The following PAK3 variants were observed in gnomAD, a reference collection of about 807,000 sequenced individuals.
PAK3 encodes serine/threonine-protein kinase PAK 3.
PAK3 carries 4 observed loss-of-function variants against 41.0 expected under a neutral mutation model. The observed-to-expected ratio is 0.10, with a 90% CI of 0.05 to 0.22. The LOEUF (loss-of-function observed/expected upper bound fraction) is 0.22. Among genes scored for constraint, PAK3 ranks in the 10% least tolerant of loss-of-function variants. The pLI is 1.00. For missense variants in PAK3, 205 were observed against 409.9 expected, an observed-to-expected ratio of 0.50 and a Z score of 4.32; for synonymous variants, 146 against 139.6, an observed-to-expected ratio of 1.05 and a Z score of -0.32.
At position 110,973,302 on chromosome X, in the gene PAK3, G is replaced by C. The variant is rs182980436; in HGVS notation, c.-28+28674G>C. The stretch of plus-strand genomic sequence containing the variant: ...TTGAAATGAAGGAAAAAGTGTTAAG[G>C]GTAGCCAAAGAGAAAGGTCGAGCTA... On this transcript the variant is annotated intron_variant, in intron 1 of 14. Transcript: ENST00000425146. Among the ~76,000 whole-genome samples, 10 of 111,688 alleles carry C rather than the reference G, an allele frequency of 9.0e-5. No homozygotes were observed. The East Asian group carries it at 2.0e-3, about 22-fold the overall frequency.
intron 1 of PAK3, among the ~76,000 whole-genome samples, chrX:110,994,448 A>G (rs916697032): frequency 8.1e-5 from 9 of 111,139 alleles, no homozygotes; most frequent in Non-Finnish European, 1.7e-4. Flanking sequence ...GGAGGCTGCA[A>G]CCCCTGTTTG....
In PAK3 at chrX:111,012,973, G is replaced by A. The variant is rs955788802; in HGVS notation, c.-28+68345G>A. On this transcript the variant is annotated intron_variant, in intron 1 of 14. Coordinates refer to the PAK3 transcript ENST00000425146. ...TTATTTTTTAATTTTTTAAAAAGATGTGGTCTCGCTATGTTTCCCAGGTTG... is the reference window on the plus strand; with the variant it reads ...TTATTTTTTAATTTTTTAAAAAGATATGGTCTCGCTATGTTTCCCAGGTTG... Among the ~76,000 whole-genome samples the A allele has an allele frequency of 2.9e-4, 32 of 111,746 alleles. 1 individual carries two copies. Among genetic ancestry groups the A allele is most frequent in the African/African-American group, 1.0e-3 (32 of 30,729 alleles).
chrX:110,956,873 G>A (rs904815235), intron 1 of PAK3, among the ~76,000 whole-genome samples: 1 of 111,814 alleles, frequency 8.9e-6, no homozygotes, highest in African/African-American at 3.3e-5. Context: ...AATAGAGCTG[G>A]GAATTAAGCC....
At chrX:111,099,429 C>T (rs143331778) in intron 3 of PAK3, among the ~76,000 whole-genome samples, 138 of 110,801 alleles carry the variant, frequency 1.2e-3, no homozygotes, top group Non-Finnish European at 1.1e-3. Flanking sequence ...GTCTGGGAAA[C>T]ATAATGGGGA....
At chrX:110,963,710 A>C (rs767467576) in intron 1 of PAK3, among the ~76,000 whole-genome samples, 3 of 112,743 alleles carry the variant, frequency 2.7e-5, no homozygotes, top group East Asian at 5.6e-4. Flanking sequence ...AACTAACTGT[A>C]TGACCTTGGG....
chrX:111,193,861 G>A (rs2094586202), intron 13 of PAK3, among the ~76,000 whole-genome samples: 1 of 111,831 alleles, frequency 8.9e-6, no homozygotes, highest in South Asian at 3.7e-4. Context: ...ATAAGATGAG[G>A]ACTGTGAATT....
intron 1 of PAK3, among the ~76,000 whole-genome samples, chrX:111,047,343 A>C (rs1178260708): frequency 9.0e-6 from 1 of 111,722 alleles, no homozygotes; most frequent in Non-Finnish European, 1.9e-5. Flanking sequence ...TTATCAGAGT[A>C]AATGAGAACA....
At position 111,186,467 on chromosome X, in the gene PAK3, C is replaced by G. The variant is rs758842748; in HGVS notation, c.831-5660C>G. On this transcript the variant is annotated intron_variant, in intron 11 of 17. Coordinates refer to ENST00000372007, the MANE Select transcript of PAK3 (RefSeq NM_002578.5). ...AGTCTCAGGATACAAAATCAATGTG[C>G]AAAAATCACAAGCATTCCTATACAC... Among the ~76,000 whole-genome samples the G allele has an allele frequency of 2.7e-5, 3 of 111,361 alleles. No individual in the cohort carries two copies. The South Asian group carries it at 1.1e-3, about 42-fold the overall frequency.
intron 1 of PAK3, among the ~76,000 whole-genome samples, chrX:111,056,807 C>T (rs576132341): frequency 4.5e-4 from 50 of 111,514 alleles, no homozygotes; most frequent in African/African-American, 1.6e-3. Flanking sequence ...ATAGTGATTC[C>T]GTGAAAGCCT....
At chrX:110,967,993 A>G (rs2091117083) in intron 1 of PAK3, among the ~76,000 whole-genome samples, 1 of 112,029 alleles carries the variant, frequency 8.9e-6, no homozygotes, top group South Asian at 3.7e-4. Context: ...CCTCCCTCCA[A>G]CATTCCTTAC....
intron 3 of PAK3, among the ~76,000 whole-genome samples, chrX:111,102,653 G>C (rs182396804): frequency 9.2e-4 from 104 of 112,580 alleles, no homozygotes; most frequent in African/African-American, 3.2e-3. Flanking sequence ...ATTGGCCATT[G>C]TCTCTCAGTT....
At chrX:111,090,971 A>G (rs1158415141) in intron 1 of PAK3, among the ~76,000 whole-genome samples, 2 of 111,746 alleles carry the variant, frequency 1.8e-5, no homozygotes, top group African/African-American at 6.5e-5. Flanking sequence ...GTAAGGAAGG[A>G]ATATATAATA....
At chrX:111,095,277 C>A (rs1466691254), upstream of PAK3, among the ~76,000 whole-genome samples, 2 of 112,192 alleles carry the variant, frequency 1.8e-5, no homozygotes, top group Non-Finnish European at 3.8e-5. Flanking sequence ...ATGTCCTCTT[C>A]TGATCGTTTT....
intron 1 of PAK3, among the ~76,000 whole-genome samples, chrX:110,985,086 T>TA (rs1314012174): frequency 2.7e-5 from 3 of 111,879 alleles, no homozygotes; most frequent in Non-Finnish European, 5.6e-5. Flanking sequence ...CTGAGAAAAA[T>TA]AAAAAAATAA....
At chrX:111,179,566 A>G (rs2094443879) in intron 11 of PAK3, among the ~76,000 whole-genome samples, 2 of 111,351 alleles carry the variant, frequency 1.8e-5, no homozygotes, top group Non-Finnish European at 3.8e-5. Flanking sequence ...ACAATTAACA[A>G]TTGCTTCATA....
intron 7 of PAK3, among the ~76,000 whole-genome samples, chrX:111,150,577 A>G (rs906731598): frequency 8.9e-6 from 1 of 111,736 alleles, no homozygotes; most frequent in African/African-American, 3.3e-5. Flanking sequence ...AAGAATCAAA[A>G]GCAAAAACCC....
chrX:110,985,705 C>T (rs775172345), intron 1 of PAK3, among the ~76,000 whole-genome samples: 8 of 112,298 alleles, frequency 7.1e-5, no homozygotes, highest in Non-Finnish European at 1.5e-4. Context: ...TTAGCATGTG[C>T]TGGGCATTGC....
At chrX:111,125,076 A>G (rs190436372) in intron 5 of PAK3, among the ~76,000 whole-genome samples, 329 of 111,756 alleles carry the variant, frequency 2.9e-3, no homozygotes, top group African/African-American at 0.01. Flanking sequence ...TTTGTTCACA[A>G]TCTCGCAAAG....
At chrX:110,969,094 A>ATTTTTG (rs2091143163) in intron 1 of PAK3, among the ~76,000 whole-genome samples, 3 of 40,616 alleles carry the variant, frequency 7.4e-5, no homozygotes, top group Non-Finnish European at 1.2e-4. Context: ...GACCTGCCTA[A>ATTTTTG]TTTTTTTTTT....
Sources: allele counts gnomAD v4.1 joint callset (sites outside exome capture counted in the v4.1 genomes callset), GRCh38; gene constraint gnomAD v4.1.1; transcripts MANE v1.5; gene names NCBI Gene and HGNC (gene_info 2026-07-23, HGNC 2026-07-21).